MSR1: variants seen among roughly 807,000 people sequenced by gnomAD.
MSR1 encodes the protein macrophage scavenger receptor types I and II.
MSR1 carries 53 observed loss-of-function variants against 47.2 expected under a neutral mutation model. The observed-to-expected ratio is 1.12, with a 90% CI of 0.90 to 1.41. The LOEUF is 1.41. Ranked by LOEUF, MSR1 falls within the 40% of genes most tolerant of loss-of-function variation. The probability of loss-of-function intolerance (pLI) is 0.00; values close to 1 mark genes in which losing one functional copy is unlikely to be tolerated. For synonymous variants in MSR1, 239 were observed against 185.6 expected, an observed-to-expected ratio of 1.29 and a Z score of -2.34; for missense variants, 786 against 546.9, an observed-to-expected ratio of 1.44 and a Z score of -4.36.
chr8:16,174,253 T>TTTG (rs35452308), intron 3 of MSR1, among the ~76,000 whole-genome samples: 64,348 of 151,596 alleles, frequency 0.42, 14,017 homozygotes, highest in South Asian at 0.51. Flanking sequence ...TAGGAACTTT[T>TTTG]TTGTTGTTGT....
chr8:16,163,933 G>T, intron 5 of MSR1, 132 bp downstream of exon 5: 4 of 669,872 alleles, frequency 6.0e-6, no homozygotes, highest in Non-Finnish European at 9.4e-6. Flanking sequence ...TCTTTCCTTT[G>T]GGTATTTGCA....
intron 8 of MSR1, among the ~76,000 whole-genome samples, chr8:16,123,545 A>G (rs1800056604): frequency 6.7e-6 from 1 of 149,414 alleles, no homozygotes; most frequent in Admixed American, 6.7e-5. Flanking sequence ...CCATTTGGGT[A>G]TTTTTATCTT....
At chr8:16,137,264 T>C (rs1585149986) in intron 8 of MSR1, among the ~76,000 whole-genome samples, 1 of 152,006 alleles carries the variant, frequency 6.6e-6, no homozygotes, top group Non-Finnish European at 1.5e-5. Context: ...CTAGAGGCAA[T>C]AGCTGGAGTA....
chr8:16,170,497 G>C lies in MSR1; in HGVS notation c.218-1627C>G, dbSNP rs370508670. 3.9e-5 allele frequency among the ~76,000 whole-genome samples: 6 copies of C among 152,112 alleles called. No individual in the cohort carries two copies. The East Asian group carries it at 1.2e-3, about 29-fold the overall frequency. ...ATACCTTTTATCTACATGTATGTTAGTCATATTCATATTAGATTGGTTGTA... is the reference window on the plus strand; with the variant it reads ...ATACCTTTTATCTACATGTATGTTACTCATATTCATATTAGATTGGTTGTA... On this transcript the variant is annotated intron_variant, in intron 3 of 9. Coordinates refer to ENST00000262101, the MANE Select transcript of MSR1 (RefSeq NM_138715.3).
In MSR1 at chr8:16,140,214, T is replaced by C. The variant is rs142070651; in HGVS notation, c.1033+3344A>G. ...TCCTAGAACCCAATAAATTAAATTG[T>C]GTTCTAGACTCTAGGTGAATGCGTG... On this transcript the variant is annotated intron_variant, in intron 8 of 9. Coordinates refer to ENST00000262101, the MANE Select transcript of MSR1 (RefSeq NM_138715.3). 1,132 of 984,862 alleles carry C rather than the reference T, an allele frequency of 1.1e-3. 13 individuals carry two copies. In the African/African-American group the frequency reaches 0.017, roughly 15 times the overall value. 61.0% of individuals were successfully genotyped at this position (984,862 alleles called of 1,614,324 possible).
intron 2 of MSR1, among the ~76,000 whole-genome samples, chr8:16,176,564 G>A (rs34001536): frequency 2.6e-5 from 4 of 151,194 alleles, no homozygotes; most frequent in African/African-American, 9.7e-5. Context: ...AAGATGGAAG[G>A]AAAAAAGAAA....
chr8:16,177,029 C>G (rs1490179368), intron 2 of MSR1, among the ~76,000 whole-genome samples: 1 of 152,158 alleles, frequency 6.6e-6, no homozygotes, highest in African/African-American at 2.4e-5. Context: ...TGAGGTTTAG[C>G]AGAATTATAA....
chr8:16,153,263 G>C (rs1220252294), intron 6 of MSR1, among the ~76,000 whole-genome samples: 1 of 151,944 alleles, frequency 6.6e-6, no homozygotes, highest in Non-Finnish European at 1.5e-5. Context: ...CCTGATTTCG[G>C]CATCAAATAT....
In MSR1 at chr8:16,109,181, C is replaced by CGCCG. The variant is rs1269384113; in HGVS notation, c.*903_*904insCGGC. 1.4e-5 allele frequency: 2 copies of CGCCG among 140,228 alleles called. No individual in the cohort carries two copies. The highest frequency in any genetic ancestry group is 2.5e-4 in the South Asian group (1 of 4,032). The allele number at this position is 140,228 out of a possible 1,614,324, so 8.7% of individuals were successfully genotyped here. A position where few individuals can be genotyped will look rare whatever the true frequency, so the allele number is the denominator to read the frequency against. On this transcript the variant is annotated 3_prime_UTR_variant, in exon 10 of 10. Coordinates refer to ENST00000262101, the MANE Select transcript of MSR1 (RefSeq NM_138715.3). ...ACTAAAGACGCACCCCCCACCCCCC[C>CGCCG]CCCCGCCCTTTGGTTGTAAATGTTG...
intron 1 of MSR1, among the ~76,000 whole-genome samples, chr8:16,180,260 T>C (rs1048053068): frequency 2.0e-5 from 3 of 151,974 alleles, no homozygotes; most frequent in Non-Finnish European, 4.4e-5. Context: ...TTTTCCAGCA[T>C]AATCTCTATT....
chr8:16,149,224 A>G (rs1356888181), intron 7 of MSR1, among the ~76,000 whole-genome samples: 2 of 152,164 alleles, frequency 1.3e-5, no homozygotes, highest in Non-Finnish European at 2.9e-5. Flanking sequence ...ATGGTTACAT[A>G]TATACCACAC....
intron 1 of MSR1, among the ~76,000 whole-genome samples, chr8:16,189,198 T>A (rs1370869177): frequency 7.0e-6 from 1 of 142,998 alleles, no homozygotes; most frequent in Non-Finnish European, 1.5e-5. Context: ...ACGTAAAACC[T>A]TATTTTATAT....
In MSR1 at chr8:16,139,090, G is replaced by A. The variant is rs111471474; in HGVS notation, c.1033+4468C>T. Among the ~76,000 whole-genome samples, 5 of 152,066 alleles carry A rather than the reference G, an allele frequency of 3.3e-5. 1 individual carries two copies. The highest frequency in any genetic ancestry group is 5.9e-5 in the Non-Finnish European group (4 of 68,012). ...ATTTATAACTAATGCTCTTCTGCTCGACTCAGACAAACTCATTGATTTGCA... is the reference window on the plus strand; with the variant it reads ...ATTTATAACTAATGCTCTTCTGCTCAACTCAGACAAACTCATTGATTTGCA... On this transcript the variant is annotated intron_variant, in intron 8 of 9. Coordinates refer to ENST00000262101, the MANE Select transcript of MSR1 (RefSeq NM_138715.3).
intron 7 of MSR1, 151 bp from the exon 8 acceptor site, chr8:16,143,762 A>G (rs1800625447): frequency 1.5e-6 from 1 of 645,356 alleles, no homozygotes; most frequent in Admixed American, 2.6e-5. Context: ...TAACAATAAT[A>G]ATAGTTATTA....
At chr8:16,121,038 G>A (rs1055405009) in intron 8 of MSR1, 3 of 339,428 alleles carry the variant, frequency 8.8e-6, no homozygotes, top group Admixed American at 8.6e-5. Flanking sequence ...ATAGGAGGGC[G>A]AGGAGCAGAT....
At chr8:16,131,441 G>GTTTTTTTTTTTTTTTTTTTTTTTTTTT (rs56321577) in intron 8 of MSR1, among the ~76,000 whole-genome samples, 1 of 54,686 alleles carries the variant, frequency 1.8e-5, no homozygotes, top group Non-Finnish European at 3.2e-5. Context: ...TCTGTTGATA[G>GTTTTTTTTTTTTTTTTTTTTTTTTTTT]TTTTTTTTTT....
intron 8 of MSR1, chr8:16,139,764 AAAAAAAAAAAATATATATATAT>A (rs1206299362): frequency 6.1e-6 from 1 of 163,712 alleles, no homozygotes; most frequent in African/African-American, 7.6e-5. Context: ...AAAAAAAAAA[AAAAAAAAAAAATATATATATAT>A]ATATATATAT....
intron 1 of MSR1, among the ~76,000 whole-genome samples, chr8:16,189,316 T>C (rs1232498298): frequency 7.9e-6 from 1 of 127,212 alleles, no homozygotes; most frequent in Non-Finnish European, 1.6e-5. Context: ...ATATATAAAA[T>C]CTTATTTACA....
At chr8:16,146,550 A>G (rs1027869163) in intron 7 of MSR1, among the ~76,000 whole-genome samples, 3 of 152,110 alleles carry the variant, frequency 2.0e-5, no homozygotes, top group East Asian at 3.9e-4. Flanking sequence ...TGCTCTGAAC[A>G]ATGGCAACAT....
Sources: gnomAD v4.1 joint callset for allele counts (sites outside exome capture counted in the v4.1 genomes callset) on GRCh38, gnomAD v4.1.1 for gene constraint, MANE v1.5 for transcripts, NCBI Gene and HGNC (gene_info 2026-07-23, HGNC 2026-07-21) for gene names.